DPT: variants seen among roughly 807,000 people sequenced by gnomAD.
DPT encodes dermatopontin.
A neutral mutation model predicts 31.2 loss-of-function variants in DPT; 21 were observed. That is an observed-to-expected ratio of 0.67 (90% CI 0.48 to 0.97). The LOEUF is 0.97. DPT is among the 50% of genes least tolerant of loss of function. The pLI is 0.00. For missense variants in DPT, 262 were observed against 258.8 expected (o/e 1.01, Z -0.08); for synonymous variants, 91 against 86.9 (o/e 1.05, Z -0.26).
intron 1 of DPT, 80 bp downstream of exon 1, chr1:168,728,790 T>C: frequency 6.5e-7 from 1 of 1,537,878 alleles, no homozygotes; most frequent in Non-Finnish European, 8.9e-7. Context: ...CTGATATTCC[T>C]TGAGAGTCTA....
chr1:168,708,022 C>A (rs1254543898), intron 2 of DPT, among the ~76,000 whole-genome samples: 1 of 152,128 alleles, frequency 6.6e-6, no homozygotes, highest in Non-Finnish European at 1.5e-5. Flanking sequence ...AACTCAAGTC[C>A]TTGATCTAAA....
chr1:168,719,295 C>T (rs1047478260), intron 1 of DPT, among the ~76,000 whole-genome samples: 1 of 152,170 alleles, frequency 6.6e-6, no homozygotes, highest in Non-Finnish European at 1.5e-5. Context: ...GGGCATTCCT[C>T]TCCTCCATTC....
chr1:168,716,894 T>C (rs540098752), intron 1 of DPT, among the ~76,000 whole-genome samples: 1 of 152,352 alleles, frequency 6.6e-6, no homozygotes, highest in Admixed American at 6.5e-5. Context: ...TCATTCATTT[T>C]TATGGCTACA....
intron 2 of DPT, among the ~76,000 whole-genome samples, chr1:168,705,944 G>C (rs77800676): frequency 0.16 from 24,415 of 152,172 alleles, 2,737 homozygotes; most frequent in African/African-American, 0.32. Context: ...ATCCACATAA[G>C]ATGTGGCTTG....
chr1:168,711,027 T>A (rs558360227), intron 2 of DPT, among the ~76,000 whole-genome samples: 9 of 151,916 alleles, frequency 5.9e-5, no homozygotes, highest in South Asian at 2.1e-4. Context: ...TTCTTTTTTT[T>A]TGAGTCAGAG....
chr1:168,696,039 G>C lies in DPT; in HGVS notation c.*510C>G, dbSNP rs1649458478. On this transcript the variant is annotated 3_prime_UTR_variant, in exon 4 of 4. Transcript: ENST00000367817. ...GCTCTGCACTTGGATTGCTAAGCATGCATGGCTCATGTGGAGCAGGGGAGT... is the reference window on the plus strand; with the variant it reads ...GCTCTGCACTTGGATTGCTAAGCATCCATGGCTCATGTGGAGCAGGGGAGT... 2.5e-6 allele frequency: 1 copy of C among 396,020 alleles called. No homozygotes were observed. Among genetic ancestry groups the C allele is most frequent in the Non-Finnish European group, 4.4e-6 (1 of 225,040 alleles). 24.5% of individuals were successfully genotyped at this position (396,020 alleles called of 1,614,324 possible). A position where few individuals can be genotyped will look rare whatever the true frequency, so the allele number is the denominator to read the frequency against.
intron 3 of DPT, among the ~76,000 whole-genome samples, chr1:168,697,895 A>G (rs1458376967): frequency 2.0e-5 from 3 of 152,214 alleles, no homozygotes; most frequent in African/African-American, 4.8e-5. Context: ...AGTCTGCCTA[A>G]CTAGGTAATC....
At chr1:168,702,536 G>T (rs115472199) in intron 2 of DPT, among the ~76,000 whole-genome samples, 1 of 151,960 alleles carries the variant, frequency 6.6e-6, no homozygotes, top group Admixed American at 6.6e-5. Context: ...AGGGAAATAA[G>T]GTCCTGCAAA....
rs1344485392 is a variant in DPT at position 168,695,739 on chromosome 1, C to A, written c.*810G>T. ...TTCTAGGTGCCAGTGACTCAAACTC[C>A]TTTTTCCACTTCCCAGTTCAACCTG... On this transcript the variant is annotated 3_prime_UTR_variant, in exon 4 of 4. Transcript: ENST00000367817. 6.5e-6 allele frequency: 1 copy of A among 153,228 alleles called. No individual in the cohort carries two copies. 9.5% of individuals were successfully genotyped at this position (153,228 alleles called of 1,614,324 possible). A position where few individuals can be genotyped will look rare whatever the true frequency, so the allele number is the denominator to read the frequency against.
intron 2 of DPT, among the ~76,000 whole-genome samples, chr1:168,705,624 A>T (rs1240646376): frequency 1.3e-5 from 2 of 152,260 alleles, no homozygotes; most frequent in African/African-American, 4.8e-5. Context: ...ACAACATTTT[A>T]GAGAAGCTTC....
intron 1 of DPT, among the ~76,000 whole-genome samples, chr1:168,723,821 A>G (rs1467450509): frequency 6.6e-6 from 1 of 152,096 alleles, no homozygotes; most frequent in Non-Finnish European, 1.5e-5. Flanking sequence ...CTGCATCCTT[A>G]TATTTATTTT....
Position 168,714,386 on chromosome 1 carries a change from A to G in DPT, c.306-40T>C, listed in dbSNP as rs1192091514. On this transcript the variant is annotated intron_variant, in intron 1 of 3. Coordinates refer to ENST00000367817, the MANE Select transcript of DPT (RefSeq NM_001937.5). ...ACCCCAGGAACCTAAGAACAGTGAC[A>G]CATACACAGACCCCTTCCCAAGACC... 2.5e-6 allele frequency: 4 copies of G among 1,613,194 alleles called. No homozygotes were observed. In the South Asian group the frequency reaches 3.3e-5, roughly 13 times the overall value.
intron 2 of DPT, among the ~76,000 whole-genome samples, chr1:168,709,961 T>C (rs1649815301): frequency 6.6e-6 from 1 of 152,264 alleles, no homozygotes; most frequent in African/African-American, 2.4e-5. Context: ...GGTTTCACCA[T>C]TGTTACTGTT....
chr1:168,718,195 A>G (rs1159016469), intron 1 of DPT, among the ~76,000 whole-genome samples: 1 of 152,208 alleles, frequency 6.6e-6, no homozygotes, highest in Non-Finnish European at 1.5e-5. Context: ...AGACCCCTAT[A>G]GGGGACAGAG....
At chr1:168,708,414 G>A (rs1649769294) in intron 2 of DPT, among the ~76,000 whole-genome samples, 1 of 152,124 alleles carries the variant, frequency 6.6e-6, no homozygotes, top group Non-Finnish European at 1.5e-5. Flanking sequence ...TGCAATGGAA[G>A]GCAATGGTTT....
At chr1:168,697,621 T>C (rs1300346360) in intron 3 of DPT, among the ~76,000 whole-genome samples, 1 of 152,242 alleles carries the variant, frequency 6.6e-6, no homozygotes, top group African/African-American at 2.4e-5. Context: ...AAGAGAAATG[T>C]TTTGAGTGCC....
chr1:168,697,316 T>G (rs910924911), intron 3 of DPT, among the ~76,000 whole-genome samples: 1 of 152,194 alleles, frequency 6.6e-6, no homozygotes, highest in African/African-American at 2.4e-5. Flanking sequence ...TCCCACTGAC[T>G]CTTTCTGAGC....
chr1:168,715,048 A>G (rs1396500642), intron 1 of DPT, among the ~76,000 whole-genome samples: 2 of 152,050 alleles, frequency 1.3e-5, no homozygotes, highest in Admixed American at 1.3e-4. Context: ...CTGTGGAGGC[A>G]GTCCTTACAG....
At chr1:168,700,943 A>T in intron 3 of DPT, 74 bp downstream of exon 3, 1 of 913,964 alleles carries the variant, frequency 1.1e-6, no homozygotes, top group Non-Finnish European at 1.8e-6. Flanking sequence ...AAATTCCTGC[A>T]GGTAAAATCC....
Sources: allele counts gnomAD v4.1 joint callset (sites outside exome capture counted in the v4.1 genomes callset), GRCh38; gene constraint gnomAD v4.1.1; transcripts MANE v1.5; gene names NCBI Gene and HGNC (gene_info 2026-07-23, HGNC 2026-07-21).